AUTS2: variants seen among roughly 807,000 people sequenced by gnomAD.
AUTS2 encodes activator of transcription and developmental regulator AUTS2, also known as autism susceptibility gene 2 protein.
AUTS2 carries 17 observed loss-of-function variants against 112.4 expected under a neutral mutation model. That is an observed-to-expected ratio of 0.15 (90% confidence interval 0.10 to 0.23). The LOEUF is 0.23. Ranked by LOEUF, AUTS2 falls within the 10% of genes least tolerant of loss-of-function variation. The probability of loss-of-function intolerance (pLI) is 1.00; values close to 1 mark genes in which losing one functional copy is unlikely to be tolerated. For synonymous variants in AUTS2, 751 were observed against 702.7 expected, an observed-to-expected ratio of 1.07 and a Z score of -1.09; for missense variants, 1,510 against 1,701.6, an observed-to-expected ratio of 0.89 and a Z score of 1.98.
At chr7:69,695,784 A>G (rs1797534210) in intron 1 of AUTS2, among the ~76,000 whole-genome samples, 1 of 152,200 alleles carries the variant, frequency 6.6e-6, no homozygotes, top group Non-Finnish European at 1.5e-5. Flanking sequence ...ACAGATTTTG[A>G]CCAAAATTAC....
chr7:70,166,892 A>G (rs1808412071), intron 4 of AUTS2, among the ~76,000 whole-genome samples: 1 of 152,232 alleles, frequency 6.6e-6, no homozygotes, highest in South Asian at 2.1e-4. Flanking sequence ...AGCCATGACT[A>G]TTTTAAAGCA....
At position 70,631,022 on chromosome 7, in the gene AUTS2, G is replaced by T. The variant is rs572445391; in HGVS notation, c.691-67547G>T. 6.6e-6 allele frequency among the ~76,000 whole-genome samples: 1 copy of T among 152,078 alleles called. No homozygotes were observed. The highest frequency in any genetic ancestry group is 1.5e-5 in the Non-Finnish European group (1 of 68,018). ...TTAATGAAGAAGATAAAGCGGCCCGGCTGGTGTCCCACAGGCTCGGCGCAG... is the reference window on the plus strand; with the variant it reads ...TTAATGAAGAAGATAAAGCGGCCCGTCTGGTGTCCCACAGGCTCGGCGCAG... On this transcript the variant is annotated intron_variant, in intron 5 of 18. Coordinates refer to ENST00000342771, the MANE Select transcript of AUTS2 (RefSeq NM_015570.4). The surrounding 1 kb of genome is among the most constrained non-coding windows in gnomAD (Gnocchi z 4.5).
At chr7:69,804,725 A>G (rs535623047) in intron 1 of AUTS2, among the ~76,000 whole-genome samples, 33 of 152,274 alleles carry the variant, frequency 2.2e-4, no homozygotes, top group South Asian at 1.0e-3. Flanking sequence ...TTGTTATCAC[A>G]TTTCTTGTCT....
At chr7:70,586,092 A>T (rs1802675521) in intron 5 of AUTS2, among the ~76,000 whole-genome samples, 1 of 151,940 alleles carries the variant, frequency 6.6e-6, no homozygotes, top group African/African-American at 2.4e-5. Context: ...CGAACTTCTG[A>T]CCTCAAGTGA....
intron 5 of AUTS2, among the ~76,000 whole-genome samples, chr7:70,637,434 C>A (rs957042382): frequency 1.3e-5 from 2 of 152,168 alleles, no homozygotes; most frequent in African/African-American, 4.8e-5. Flanking sequence ...GTAAGGGACA[C>A]AGAGCTTTAG....
intron 2 of AUTS2, among the ~76,000 whole-genome samples, chr7:70,011,266 T>G (rs1409912042): frequency 6.6e-6 from 1 of 151,418 alleles, no homozygotes; most frequent in Non-Finnish European, 1.5e-5. Flanking sequence ...AGGAAACAAA[T>G]CTTTTGATGG....
chr7:70,753,706 T>G (rs904160292), intron 6 of AUTS2, among the ~76,000 whole-genome samples: 1 of 152,216 alleles, frequency 6.6e-6, no homozygotes, highest in Admixed American at 6.5e-5. Context: ...ATGTAGAATT[T>G]TGGAGATACA....
At chr7:69,976,734 G>A (rs1397505017) in intron 2 of AUTS2, among the ~76,000 whole-genome samples, 1 of 152,066 alleles carries the variant, frequency 6.6e-6, no homozygotes, top group African/African-American at 2.4e-5. Flanking sequence ...GGCTACCTGT[G>A]TATTATCTTT....
chr7:69,812,334 A>G (rs1472860245), intron 1 of AUTS2, among the ~76,000 whole-genome samples: 1 of 152,212 alleles, frequency 6.6e-6, no homozygotes, highest in Non-Finnish European at 1.5e-5. Context: ...ACTTCTTGCT[A>G]TTGGCAAGAT....
intron 4 of AUTS2, among the ~76,000 whole-genome samples, chr7:70,372,342 C>T (rs557509214): frequency 5.4e-4 from 82 of 152,216 alleles, no homozygotes; most frequent in Middle Eastern, 6.8e-3. Context: ...TATCCTAGTA[C>T]TTTTTTAGGG....
intron 1 of AUTS2, among the ~76,000 whole-genome samples, chr7:69,798,163 T>C (rs1253257398): frequency 1.3e-5 from 2 of 152,232 alleles, no homozygotes; most frequent in Non-Finnish European, 2.9e-5. Context: ...AGGAATAGCA[T>C]GTACCACCCT....
At chr7:70,287,587 T>G (rs1339182779) in intron 4 of AUTS2, among the ~76,000 whole-genome samples, 1 of 152,148 alleles carries the variant, frequency 6.6e-6, no homozygotes, top group East Asian at 1.9e-4. Flanking sequence ...CACTCACATA[T>G]TAGAATTAAA....
intron 2 of AUTS2, among the ~76,000 whole-genome samples, chr7:69,975,832 C>A (rs1339771947): frequency 6.6e-6 from 1 of 151,866 alleles, no homozygotes; most frequent in Admixed American, 6.6e-5. Flanking sequence ...GGATTACATG[C>A]GTGCGCTACC....
intron 5 of AUTS2, among the ~76,000 whole-genome samples, chr7:70,499,713 G>A (rs1037734956): frequency 6.6e-6 from 1 of 152,212 alleles, no homozygotes; most frequent in Non-Finnish European, 1.5e-5. Context: ...AGAGTCTTAG[G>A]AGGTTAAGAA....
chr7:69,965,986 T>A (rs1462548436), intron 2 of AUTS2, among the ~76,000 whole-genome samples: 1 of 152,178 alleles, frequency 6.6e-6, no homozygotes, highest in East Asian at 1.9e-4. Context: ...ATAATAATGG[T>A]GACTGACTTG....
intron 4 of AUTS2, among the ~76,000 whole-genome samples, chr7:70,215,940 T>C (rs1811143118): frequency 6.6e-6 from 1 of 152,226 alleles, no homozygotes; most frequent in Non-Finnish European, 1.5e-5. Context: ...TTTGTTTTGA[T>C]TGTCATCTGC....
chr7:70,597,719 A>C (rs191330197), intron 5 of AUTS2, among the ~76,000 whole-genome samples: 17 of 152,338 alleles, frequency 1.1e-4, no homozygotes, highest in Admixed American at 1.1e-3. Context: ...GTTTCTGGGA[A>C]TCCTTTTAAC....
intron 1 of AUTS2, among the ~76,000 whole-genome samples, chr7:69,675,212 T>A (rs1796503193): frequency 6.6e-6 from 1 of 152,176 alleles, no homozygotes; most frequent in South Asian, 2.1e-4. Flanking sequence ...TGACCTTTTT[T>A]TCTGTATGTG....
intron 1 of AUTS2, among the ~76,000 whole-genome samples, chr7:69,896,914 C>A (rs1214972158): frequency 6.6e-6 from 1 of 152,194 alleles, no homozygotes; most frequent in Non-Finnish European, 1.5e-5. Context: ...TGGACTATAT[C>A]ATTTCCCTTA....
Sources: allele counts gnomAD v4.1 joint callset (sites outside exome capture counted in the v4.1 genomes callset), GRCh38; gene constraint gnomAD v4.1.1; non-coding constraint Gnocchi (gnomAD v3.1); transcripts MANE v1.5; gene names NCBI Gene and HGNC (gene_info 2026-07-23, HGNC 2026-07-21).